Variants in DLG1 observed in about 807,000 individuals in gnomAD.
DLG1 encodes the protein discs large MAGUK scaffold protein 1, also known as disks large homolog 1.
A neutral mutation model predicts 123.4 loss-of-function variants in DLG1; 42 were observed. That is an observed-to-expected ratio of 0.34 (90% CI 0.27 to 0.44). DLG1 has a LOEUF of 0.44. DLG1 is among the 20% of genes least tolerant of loss of function. The probability of loss-of-function intolerance (pLI) is 1.00; values close to 1 mark genes in which losing one functional copy is unlikely to be tolerated. For synonymous variants in DLG1, 317 were observed against 356.2 expected (o/e 0.89, Z 1.24); for missense variants, 942 against 1,082.6 (o/e 0.87, Z 1.82).
intron 4 of DLG1, among the ~76,000 whole-genome samples, chr3:197,251,207 C>CA (rs1561690669): frequency 6.6e-6 from 1 of 151,570 alleles, no homozygotes; most frequent in Non-Finnish European, 1.5e-5. Context: ...CCAGTCTCTA[C>CA]AAAAACAAAC....
chr3:197,211,172 G>A (rs1166398882), intron 4 of DLG1, among the ~76,000 whole-genome samples: 1 of 146,054 alleles, frequency 6.8e-6, no homozygotes. Flanking sequence ...ATCTAAATCT[G>A]ATAAAGGGCA....
Position 197,177,757 on chromosome 3 carries a change from T to C in DLG1, c.483+16668A>G, listed in dbSNP as rs562510529. 5.9e-5 allele frequency among the ~76,000 whole-genome samples: 9 copies of C among 152,308 alleles called. No individual in the cohort carries two copies. The East Asian group carries it at 1.2e-3, about 20-fold the overall frequency. On this transcript the variant is annotated intron_variant, in intron 5 of 24. Transcript: ENST00000667157. The stretch of plus-strand genomic sequence containing the variant: ...GTATCCTAGTTTGGTCTGAGTTATA[T>C]AGTTATCCCAGTTTTGAGGAAATTG...
At chr3:197,104,704 AAAAAAAAC>A (rs1765400930) in intron 14 of DLG1, among the ~76,000 whole-genome samples, 191 bp downstream of exon 14, 2 of 150,062 alleles carry the variant, frequency 1.3e-5, no homozygotes, top group South Asian at 2.1e-4. Context: ...AACAAAAACC[AAAAAAAAC>A]CAAAAAAACA....
rs1428230007 is a variant in DLG1 at position 197,138,337 on chromosome 3, A to G, written c.768T>C (p.His256=). Residue 256 remains histidine, a synonymous_variant, in exon 9 of 25, where the codon CAT becomes CAC. Coordinates refer to ENST00000667157, the MANE Select transcript of DLG1 (RefSeq NM_001366207.1). ...VNEVDVRDVT[H]SKAVEALKEA... Reference sequence around the variant, plus strand: ...CTTTCAACGCTTCAACTGCTTTGCTATGTGTTACATCACGAACATCTACTT... The same window carrying G: ...CTTTCAACGCTTCAACTGCTTTGCTGTGTGTTACATCACGAACATCTACTT... The G allele has an allele frequency of 5.7e-6, 9 of 1,588,160 alleles. No homozygotes were observed. The highest frequency in any genetic ancestry group is 1.3e-5 in the African/African-American group (1 of 74,534).
intron 5 of DLG1, among the ~76,000 whole-genome samples, chr3:197,168,091 T>A (rs1802292536): frequency 6.6e-6 from 1 of 152,210 alleles, no homozygotes; most frequent in African/African-American, 2.4e-5. Flanking sequence ...TGATAAACCA[T>A]GAATCCTTTA....
Position 197,044,580 on chromosome 3 carries a change from GA to G in DLG1, c.*42del. 1 of 1,423,978 alleles carries G rather than the reference GA, an allele frequency of 7.0e-7. No homozygotes were observed. Among genetic ancestry groups the G allele is most frequent in the Non-Finnish European group, 9.9e-7 (1 of 1,014,578 alleles). The allele number at this position is 1,423,978 out of a possible 1,614,324, so 88.2% of individuals were successfully genotyped here. A position where few individuals can be genotyped will look rare whatever the true frequency, so the allele number is the denominator to read the frequency against. On this transcript the variant is annotated 3_prime_UTR_variant, in exon 25 of 25. Coordinates refer to ENST00000667157, the MANE Select transcript of DLG1 (RefSeq NM_001366207.1). ...GAGGAAAGGGCAAAGAGATGCCAAA[GA>G]AAATGGAATTGTGGAAAAGAGAAAC...
chr3:197,273,839 T>A, intron 4 of DLG1, among the ~76,000 whole-genome samples: 1 of 38,988 alleles, frequency 2.6e-5, no homozygotes, highest in Non-Finnish European at 5.0e-5. Flanking sequence ...ATCACATTTA[T>A]AATAGCTACC....
At chr3:197,295,344 T>C (rs1330255690) in intron 3 of DLG1, among the ~76,000 whole-genome samples, 1 of 152,212 alleles carries the variant, frequency 6.6e-6, no homozygotes, top group Non-Finnish European at 1.5e-5. Flanking sequence ...GAAAGTAGTC[T>C]TCAAATCACA....
intron 17 of DLG1, chr3:197,078,682 A>T (rs1260089690): frequency 6.6e-6 from 1 of 152,200 alleles, no homozygotes; most frequent in African/African-American, 2.4e-5. Flanking sequence ...TTTAGAAAGG[A>T]GATAGACGAG....
intron 16 of DLG1, among the ~76,000 whole-genome samples, chr3:197,081,727 A>G (rs1242154326): frequency 6.6e-6 from 1 of 152,218 alleles, no homozygotes; most frequent in Non-Finnish European, 1.5e-5. Context: ...GGAAGGATAC[A>G]TAAGAACTGT....
intron 4 of DLG1, among the ~76,000 whole-genome samples, chr3:197,199,918 T>G (rs1724715277): frequency 6.6e-6 from 1 of 152,182 alleles, no homozygotes; most frequent in South Asian, 2.1e-4. Context: ...TTTTAAATGA[T>G]TATAGTAAGA....
chr3:197,286,411 A>G (rs534880292), intron 3 of DLG1, among the ~76,000 whole-genome samples: 1 of 152,332 alleles, frequency 6.6e-6, no homozygotes, highest in South Asian at 2.1e-4. Context: ...AGATTCTCTC[A>G]TAAGGAGTGC....
intron 6 of DLG1, among the ~76,000 whole-genome samples, chr3:197,143,585 T>C (rs1325935999): frequency 6.6e-6 from 1 of 152,130 alleles, no homozygotes; most frequent in Non-Finnish European, 1.5e-5. Flanking sequence ...GCCCATAACA[T>C]ACTTCCTCTA....
chr3:197,294,972 C>A (rs1011707824), intron 3 of DLG1, among the ~76,000 whole-genome samples: 1 of 152,074 alleles, frequency 6.6e-6, no homozygotes, highest in Non-Finnish European at 1.5e-5. Context: ...GTAACTGCAC[C>A]AAATTACTAG....
Position 197,121,867 on chromosome 3 carries a change from A to T in DLG1, c.1166-2337T>A, listed in dbSNP as rs932193185. Among the ~76,000 whole-genome samples the T allele has an allele frequency of 5.4e-5, 8 of 149,016 alleles. No homozygotes were observed. In the East Asian group the frequency reaches 1.6e-3, roughly 30 times the overall value. On this transcript the variant is annotated intron_variant, in intron 11 of 24. Coordinates refer to ENST00000667157, the MANE Select transcript of DLG1 (RefSeq NM_001366207.1). ...AAATCAAATGTTATCTAGTCCTCTT[A>T]GGTAACAAGAGAAAGAAAATCTGAA... is the stretch of plus-strand genomic sequence containing the variant.
At chr3:197,118,579 A>G (rs970709539) in intron 12 of DLG1, among the ~76,000 whole-genome samples, 3 of 152,222 alleles carry the variant, frequency 2.0e-5, no homozygotes, top group African/African-American at 7.2e-5. Flanking sequence ...AACGTTAAGA[A>G]CAGACATTAC....
In DLG1 at chr3:197,058,695, T is replaced by G. The variant is rs917635873; in HGVS notation, c.2483+1194A>C. Among the ~76,000 whole-genome samples the G allele has an allele frequency of 2.0e-5, 3 of 152,366 alleles. No homozygotes were observed. The East Asian group carries it at 5.8e-4, about 29-fold the overall frequency. On this transcript the variant is annotated intron_variant, in intron 23 of 24. Transcript: ENST00000667157. ...TCTTGCAGATGATGAGTGCAGTGTT[T>G]AACAGATGTCAAATAGGTAAAGTTT...
chr3:197,295,080 G>T (rs920031152), intron 3 of DLG1, among the ~76,000 whole-genome samples: 1 of 152,118 alleles, frequency 6.6e-6, no homozygotes, highest in African/African-American at 2.4e-5. Flanking sequence ...TTAAACCTCA[G>T]AAATTCAAAT....
Position 197,088,419 on chromosome 3 carries a change from T to C in DLG1, c.1661+2493A>G, listed in dbSNP as rs183787828. On this transcript the variant is annotated intron_variant, in intron 15 of 24. Coordinates refer to ENST00000667157, the MANE Select transcript of DLG1 (RefSeq NM_001366207.1). ...ATCATTCCCTCCCCCACATTCCAAA[T>C]TCTCTACTGGGGAGAAGGCAAAACA... Among the ~76,000 whole-genome samples the C allele has an allele frequency of 1.8e-3, 273 of 152,302 alleles. 3 individuals are homozygous for C. Among genetic ancestry groups the C allele is most frequent in the African/African-American group, 6.1e-3 (255 of 41,568 alleles).
Sources: allele counts gnomAD v4.1 joint callset (sites outside exome capture counted in the v4.1 genomes callset), GRCh38; gene constraint gnomAD v4.1.1; transcripts MANE v1.5; gene names NCBI Gene and HGNC (gene_info 2026-07-23, HGNC 2026-07-21).